Variants in LGR5 observed in about 807,000 individuals in gnomAD.
LGR5 encodes leucine rich repeat containing G protein-coupled receptor 5.
A neutral mutation model predicts 76.7 loss-of-function variants in LGR5; 54 were observed. That is an observed-to-expected ratio of 0.70 (90% CI 0.57 to 0.88). LGR5 has a LOEUF of 0.88. LGR5 is among the 40% of genes least tolerant of loss of function. LGR5 has a pLI of 0.00. For synonymous variants in LGR5, 406 were observed against 421.9 expected, an observed-to-expected ratio of 0.96 and a Z score of 0.46; for missense variants, 1,078 against 1,073.3, an observed-to-expected ratio of 1.00 and a Z score of -0.06.
chr12:71,443,233 G>C (rs1871844495), intron 1 of LGR5, among the ~76,000 whole-genome samples: 1 of 152,172 alleles, frequency 6.6e-6, no homozygotes, highest in Non-Finnish European at 1.5e-5. Context: ...GGTAAAGAAA[G>C]TTTCCTACAT....
chr12:71,570,058 A>G (rs1254351252), intron 11 of LGR5, among the ~76,000 whole-genome samples: 2 of 152,214 alleles, frequency 1.3e-5, no homozygotes, highest in African/African-American at 4.8e-5. Flanking sequence ...TAATGCAGGA[A>G]CAGAAACCAA....
intron 2 of LGR5, among the ~76,000 whole-genome samples, chr12:71,522,831 CA>C (rs1353840884): frequency 6.6e-6 from 1 of 152,078 alleles, no homozygotes; most frequent in Non-Finnish European, 1.5e-5. Flanking sequence ...GGAAGGGACC[CA>C]AGAAGACATT....
Position 71,524,434 on chromosome 12 carries a change from A to G in LGR5, c.313A>G (p.Ile105Val), listed in dbSNP as rs767950001. 21 of 1,613,280 alleles carry G rather than the reference A, an allele frequency of 1.3e-5. No individual in the cohort carries two copies. The highest frequency in any genetic ancestry group is 6.6e-5 in the South Asian group (6 of 91,054). The change falls in exon 3 of 18, where the codon ATT becomes GTT. Residue 105 changes from isoleucine (I) to valine (V), a missense_variant. Transcript: ENST00000266674. ...LRLAGNALTY[I>V]PKGAFTGLYS... ...TCTTGCGGGAAACGCTCTGACATAC[A>G]TTCCCAAGGGAGCATTCACTGGCCT...
intron 15 of LGR5, 135 bp downstream of exon 15, chr12:71,579,064 C>G (rs1325924948): frequency 1.4e-6 from 1 of 719,806 alleles, no homozygotes; most frequent in South Asian, 2.7e-5. Flanking sequence ...TCTCCTAACC[C>G]TGGAGCATTG....
intron 1 of LGR5, among the ~76,000 whole-genome samples, chr12:71,501,090 A>G (rs891661224): frequency 6.6e-6 from 1 of 152,202 alleles, no homozygotes; most frequent in Non-Finnish European, 1.5e-5. Context: ...TTTTAAAAAA[A>G]CAGAGCATTT....
chr12:71,480,438 T>A (rs1873545002), intron 1 of LGR5, among the ~76,000 whole-genome samples: 1 of 151,476 alleles, frequency 6.6e-6, no homozygotes, highest in Admixed American at 6.6e-5. Context: ...TAGAGAGAGT[T>A]GGTGAACGCT....
chr12:71,510,199 C>T (rs1287218038), intron 2 of LGR5, among the ~76,000 whole-genome samples: 2 of 152,178 alleles, frequency 1.3e-5, no homozygotes, highest in South Asian at 2.1e-4. Context: ...TCACAGTGAT[C>T]GTCTCCTGTC....
Position 71,571,508 on chromosome 12 carries a change from T to G in LGR5, c.1071-6T>G, listed in dbSNP as rs1243504370. On this transcript the variant is annotated splice_polypyrimidine_tract_variant and splice_region_variant and intron_variant, in intron 11 of 17. Coordinates refer to ENST00000266674, the MANE Select transcript of LGR5 (RefSeq NM_003667.4). ...ATTTTCCCTTTTTGCACCTTCTGTT[T>G]TTCAGAGATCTGTCTTACAACCTAT... The G allele has an allele frequency of 1.2e-6, 2 of 1,603,050 alleles. No individual in the cohort carries two copies. The highest frequency in any genetic ancestry group is 3.4e-5 in the Admixed American group (2 of 58,836).
intron 4 of LGR5, among the ~76,000 whole-genome samples, chr12:71,544,407 A>G (rs1877051342): frequency 6.8e-6 from 1 of 146,620 alleles, no homozygotes; most frequent in African/African-American, 2.5e-5. Context: ...AGTAAATAAG[A>G]TGGTGATTAG....
Position 71,494,691 on chromosome 12 carries a change from C to T in LGR5, c.213-9923C>T, listed in dbSNP as rs73340164. Among the ~76,000 whole-genome samples the T allele has an allele frequency of 1.6e-3, 235 of 151,046 alleles. 13 individuals carry two copies. Among genetic ancestry groups the T allele is most frequent in the African/African-American group, 5.7e-3 (230 of 40,396 alleles). The stretch of plus-strand genomic sequence containing the variant: ...GAGTCCCAGGCTCCTTAGATATTGA[C>T]AAACCCATAATATCCTGTCTTTTTA... On this transcript the variant is annotated intron_variant, in intron 1 of 17. Coordinates refer to ENST00000266674, the MANE Select transcript of LGR5 (RefSeq NM_003667.4).
At chr12:71,509,261 G>A (rs1007508213) in intron 2 of LGR5, among the ~76,000 whole-genome samples, 1 of 152,144 alleles carries the variant, frequency 6.6e-6, no homozygotes, top group Non-Finnish European at 1.5e-5. Context: ...ATGAAAGGAT[G>A]ATGAAAGAAC....
intron 4 of LGR5, among the ~76,000 whole-genome samples, chr12:71,543,194 C>T (rs942740745): frequency 6.6e-6 from 1 of 152,156 alleles, no homozygotes; most frequent in Non-Finnish European, 1.5e-5. Context: ...GTTCATCTCC[C>T]CTAGTTTAAC....
intron 2 of LGR5, among the ~76,000 whole-genome samples, chr12:71,508,062 C>CAA (rs61662758): frequency 2.2e-4 from 25 of 114,896 alleles, no homozygotes; most frequent in Middle Eastern, 4.8e-3. Flanking sequence ...TACTAAAATA[C>CAA]AAAAAAAAAA....
intron 1 of LGR5, among the ~76,000 whole-genome samples, chr12:71,499,194 G>T (rs1352697601): frequency 3.9e-5 from 6 of 152,126 alleles, no homozygotes; most frequent in Non-Finnish European, 8.8e-5. Flanking sequence ...TTGGTGACAT[G>T]GTGATCCAGG....
chr12:71,563,207 G>C (rs1406866460), intron 8 of LGR5, among the ~76,000 whole-genome samples: 1 of 151,970 alleles, frequency 6.6e-6, no homozygotes, highest in Non-Finnish European at 1.5e-5. Flanking sequence ...TCCTCTCCTT[G>C]CTCCTGCATC....
At chr12:71,517,045 T>A (rs1157181925) in intron 2 of LGR5, among the ~76,000 whole-genome samples, 1 of 151,954 alleles carries the variant, frequency 6.6e-6, no homozygotes, top group Non-Finnish European at 1.5e-5. Flanking sequence ...TGTTGCTCTC[T>A]AGGGTTGGAA....
At chr12:71,548,683 G>GT (rs1206835207) in intron 4 of LGR5, among the ~76,000 whole-genome samples, 4 of 152,134 alleles carry the variant, frequency 2.6e-5, no homozygotes, top group Non-Finnish European at 4.4e-5. Flanking sequence ...TAAGATGGGA[G>GT]TTATCCCTGT....
At position 71,461,966 on chromosome 12, in the gene LGR5, A is replaced by G. The variant is rs560628970; in HGVS notation, c.212+21674A>G. Among the ~76,000 whole-genome samples, 5 of 152,270 alleles carry G rather than the reference A, an allele frequency of 3.3e-5. No individual in the cohort carries two copies. The South Asian group carries it at 1.0e-3, about 32-fold the overall frequency. On this transcript the variant is annotated intron_variant, in intron 1 of 17. Coordinates refer to ENST00000266674, the MANE Select transcript of LGR5 (RefSeq NM_003667.4). The stretch of plus-strand genomic sequence containing the variant: ...TAATCTGCCGGGTGTGAATTTGGCC[A>G]TGGTCCAAAGCTCAGTTTCATTATC...
chr12:71,516,015 C>A (rs1875415914), intron 2 of LGR5, among the ~76,000 whole-genome samples: 1 of 152,078 alleles, frequency 6.6e-6, no homozygotes, highest in South Asian at 2.1e-4. Flanking sequence ...TAATCCCTGA[C>A]CTATCTCTAT....
Sources: gnomAD v4.1 joint callset for allele counts (sites outside exome capture counted in the v4.1 genomes callset) on GRCh38, gnomAD v4.1.1 for gene constraint, MANE v1.5 for transcripts, NCBI Gene and HGNC (gene_info 2026-07-23, HGNC 2026-07-21) for gene names.